Variants in RFFL observed in about 807,000 individuals in gnomAD.
RFFL encodes ring finger and FYVE like domain containing E3 ubiquitin protein ligase.
A neutral mutation model predicts 40.4 loss-of-function variants in RFFL; 16 were observed. The observed-to-expected ratio is 0.40, with a 90% CI of 0.27 to 0.60. The LOEUF (loss-of-function observed/expected upper bound fraction) is 0.60. Among genes scored for constraint, RFFL ranks in the 20% least tolerant of loss-of-function variants. The pLI, the probability that RFFL is intolerant of heterozygous loss-of-function variation, is 0.47. For synonymous variants in RFFL, 154 were observed against 167.9 expected (o/e 0.92, Z 0.64); for missense variants, 367 against 451.7 (o/e 0.81, Z 1.70).
chr17:35,008,497 T>G lies in RFFL; in HGVS notation c.*3471A>C, dbSNP rs1597807904. On this transcript the variant is annotated 3_prime_UTR_variant, in exon 7 of 7. Coordinates refer to ENST00000394597, the MANE Select transcript of RFFL (RefSeq NM_001017368.2). Reference sequence around the variant, plus strand: ...CACCCTGGCTGGAGTGCGGTGGCGATCAGAGCTCACTGCAGCTTCAATCTC... The same window carrying G: ...CACCCTGGCTGGAGTGCGGTGGCGAGCAGAGCTCACTGCAGCTTCAATCTC... The G allele has an allele frequency of 6.6e-6, 1 of 151,962 alleles. No individual in the cohort carries two copies. The highest frequency in any genetic ancestry group is 2.4e-5 in the African/African-American group (1 of 41,362). The allele number at this position is 151,962 out of a possible 1,614,324, so 9.4% of individuals were successfully genotyped here.
intron 1 of RFFL, among the ~76,000 whole-genome samples, chr17:35,080,636 T>G (rs1313021962): frequency 6.6e-6 from 1 of 152,152 alleles, no homozygotes; most frequent in African/African-American, 2.4e-5. Flanking sequence ...CACTAATAAG[T>G]TGCATTTAAC....
intron 1 of RFFL, among the ~76,000 whole-genome samples, chr17:35,074,570 G>A (rs2091367044): frequency 6.6e-6 from 1 of 152,156 alleles, no homozygotes. Context: ...CCAACACTGT[G>A]AGGCTTTGGG....
At chr17:35,086,314 T>C (rs1485539163) in intron 1 of RFFL, among the ~76,000 whole-genome samples, 1 of 151,974 alleles carries the variant, frequency 6.6e-6, no homozygotes, top group Admixed American at 6.6e-5. Context: ...GGCAAAACCC[T>C]GTCTCCACCA....
intron 1 of RFFL, among the ~76,000 whole-genome samples, chr17:35,027,897 G>A (rs2091053987): frequency 6.6e-6 from 1 of 152,066 alleles, no homozygotes; most frequent in Non-Finnish European, 1.5e-5. Context: ...GCTGGGCGGG[G>A]TGGCAGGCGC....
Position 35,046,718 on chromosome 17 carries a change from A to G in RFFL, c.-9+16858T>C, listed in dbSNP as rs533712095. 3.3e-5 allele frequency among the ~76,000 whole-genome samples: 5 copies of G among 152,338 alleles called. 1 individual carries two copies. The highest frequency in any genetic ancestry group is 2.0e-4 in the Admixed American group (3 of 15,306). ...CCTGGTTTCAACTATTCTATGACAA[A>G]TATCTGCAGAGGGACCTCAGCATCT... is the stretch of plus-strand genomic sequence containing the variant. On this transcript the variant is annotated intron_variant, in intron 1 of 6. Transcript: ENST00000394597.
intron 1 of RFFL, chr17:35,069,235 G>C: frequency 1.3e-5 from 6 of 456,644 alleles, no homozygotes; most frequent in Non-Finnish European, 1.8e-5. Context: ...CCTCCAATAA[G>C]TCAAACTTCC....
At chr17:35,018,323 C>G (rs1017465160) in intron 3 of RFFL, among the ~76,000 whole-genome samples, 1 of 152,184 alleles carries the variant, frequency 6.6e-6, no homozygotes, top group African/African-American at 2.4e-5. Flanking sequence ...TAAAACACTG[C>G]CTATGCTTAC....
rs116677188 is a variant in RFFL at position 35,044,128 on chromosome 17, A to C, written c.-8-17567T>G. On this transcript the variant is annotated intron_variant, in intron 1 of 6. Transcript: ENST00000394597. ...TCATTTATTGAGACAAGTCTCTGTC[A>C]CCCAGCCTGGAGTGCATTGGCACCA... 7.1e-3 allele frequency among the ~76,000 whole-genome samples: 1,086 copies of C among 152,338 alleles called. 14 individuals are homozygous for C. Among genetic ancestry groups the C allele is most frequent in the African/African-American group, 0.024 (1,012 of 41,572 alleles).
intron 1 of RFFL, among the ~76,000 whole-genome samples, chr17:35,036,783 AT>A (rs1370850491): frequency 6.6e-6 from 1 of 152,190 alleles, no homozygotes; most frequent in Admixed American, 6.5e-5. Context: ...AGATAATGTG[AT>A]TTCTACCTAT....
At chr17:35,084,627 C>T (rs2091420121) in intron 1 of RFFL, among the ~76,000 whole-genome samples, 1 of 150,456 alleles carries the variant, frequency 6.6e-6, no homozygotes, top group African/African-American at 2.5e-5. Flanking sequence ...TGGTGGCTCA[C>T]ACCTATAATC....
intron 4 of RFFL, among the ~76,000 whole-genome samples, chr17:35,017,193 TAC>T (rs1304371563): frequency 1.3e-5 from 2 of 151,986 alleles, no homozygotes; most frequent in African/African-American, 4.8e-5. Context: ...TGACAATGGC[TAC>T]AGTGTGCTAG....
chr17:35,020,415 C>T (rs1311367707), intron 3 of RFFL, among the ~76,000 whole-genome samples: 1 of 149,682 alleles, frequency 6.7e-6, no homozygotes. Flanking sequence ...GGAATGTGAA[C>T]TCTGTTGTGA....
intron 1 of RFFL, among the ~76,000 whole-genome samples, chr17:35,056,922 C>CT (rs1157974142): frequency 7.1e-5 from 10 of 140,700 alleles, no homozygotes; most frequent in African/African-American, 2.1e-4. Context: ...TTTTCTTTTT[C>CT]TTTTTTTTTG....
chr17:35,022,956 G>A (rs1040932899), intron 2 of RFFL, among the ~76,000 whole-genome samples: 6 of 152,162 alleles, frequency 3.9e-5, no homozygotes, highest in Non-Finnish European at 8.8e-5. Flanking sequence ...ACACAGGAAG[G>A]CTTACTCAGC....
chr17:35,016,198 T>C lies in RFFL; in HGVS notation c.886+172A>G, dbSNP rs185118174. The stretch of plus-strand genomic sequence containing the variant: ...AAATACATACATGCAATGCCTAATC[T>C]AGTTTTGACACTCAACCACAAATGA... On this transcript the variant is annotated intron_variant, in intron 5 of 6. Coordinates refer to ENST00000394597, the MANE Select transcript of RFFL (RefSeq NM_001017368.2). Among the ~76,000 whole-genome samples the C allele has an allele frequency of 6.2e-4, 95 of 152,366 alleles. 1 individual carries two copies. The highest frequency in any genetic ancestry group is 7.3e-5 in the Non-Finnish European group (5 of 68,036).
chr17:35,026,428 G>C lies in RFFL; in HGVS notation c.126C>G (p.Gly42=). 2 of 1,614,040 alleles carry C rather than the reference G, an allele frequency of 1.2e-6. No homozygotes were observed. The highest frequency in any genetic ancestry group is 2.2e-5 in the South Asian group (2 of 91,082). ...PGYSSFPSPT[G]LEPSCKSCGA... is the part of the protein sequence containing the mutation. ...CACAGGACTTGCAGCTTGGTTCCAA[G>C]CCTGTTGGGGAAGGGAAGGAGCTGT... The change falls in exon 2 of 7, where the codon GGC becomes GGG. Residue 42 remains glycine, a synonymous_variant. Coordinates refer to ENST00000394597, the MANE Select transcript of RFFL (RefSeq NM_001017368.2).
At chr17:35,044,383 C>T (rs1232319634) in intron 1 of RFFL, among the ~76,000 whole-genome samples, 3 of 152,208 alleles carry the variant, frequency 2.0e-5, no homozygotes, top group Non-Finnish European at 4.4e-5. Context: ...GGTCTACCCT[C>T]CTTTTAATAA....
chr17:35,071,187 G>C (rs1431046626), intron 1 of RFFL, among the ~76,000 whole-genome samples: 5 of 136,628 alleles, frequency 3.7e-5, no homozygotes, highest in Non-Finnish European at 3.1e-5. Flanking sequence ...TACAGAGCAA[G>C]ACTCCAACTC....
intron 1 of RFFL, among the ~76,000 whole-genome samples, chr17:35,032,254 C>G (rs1344514875): frequency 6.6e-6 from 1 of 151,948 alleles, no homozygotes; most frequent in Non-Finnish European, 1.5e-5. Flanking sequence ...TAATGGGACA[C>G]GATTAGGGCA....
Sources: allele counts gnomAD v4.1 joint callset (sites outside exome capture counted in the v4.1 genomes callset), GRCh38; gene constraint gnomAD v4.1.1; transcripts MANE v1.5; gene names NCBI Gene and HGNC (gene_info 2026-07-23, HGNC 2026-07-21).